Variants in MICU1 observed in about 807,000 individuals in gnomAD.
MICU1 encodes the protein mitochondrial calcium uptake 1.
Under a neutral mutation model 56.8 loss-of-function variants are expected in MICU1, and 45 were observed. That is an observed-to-expected ratio of 0.79 (90% CI 0.62 to 1.02). The LOEUF (loss-of-function observed/expected upper bound fraction) is 1.02. Ranked by LOEUF, MICU1 falls within the 50% of genes least tolerant of loss-of-function variation. MICU1 has a pLI of 0.00. For synonymous variants in MICU1, 186 were observed against 195.1 expected, an observed-to-expected ratio of 0.95 and a Z score of 0.39; for missense variants, 504 against 587.1, an observed-to-expected ratio of 0.86 and a Z score of 1.46.
At chr10:72,505,308 A>G (rs1464105301) in intron 6 of MICU1, among the ~76,000 whole-genome samples, 2 of 152,094 alleles carry the variant, frequency 1.3e-5, no homozygotes. Flanking sequence ...AACACAAAAG[A>G]TAAGAGATGC....
At chr10:72,401,005 C>T (rs1863436910) in intron 10 of MICU1, among the ~76,000 whole-genome samples, 1 of 151,980 alleles carries the variant, frequency 6.6e-6, no homozygotes, top group Non-Finnish European at 1.5e-5. Context: ...TGCTAGGTTG[C>T]ACAGACTGGC....
At chr10:72,512,586 T>C (rs548571161) in intron 5 of MICU1, among the ~76,000 whole-genome samples, 6 of 152,342 alleles carry the variant, frequency 3.9e-5, no homozygotes, top group African/African-American at 1.4e-4. Flanking sequence ...TTTTGGTTAT[T>C]CATGTATGAG....
At chr10:72,400,870 C>T (rs1440664578) in intron 10 of MICU1, among the ~76,000 whole-genome samples, 1 of 120,064 alleles carries the variant, frequency 8.3e-6, no homozygotes, top group Non-Finnish European at 1.6e-5. Context: ...TGGTGCTACA[C>T]ACACACACAC....
At chr10:72,505,996 C>CAAAAAAAAAAAAAAAAA (rs34458233) in intron 6 of MICU1, among the ~76,000 whole-genome samples, 1 of 138,394 alleles carries the variant, frequency 7.2e-6, no homozygotes. Flanking sequence ...AACAAGCAAG[C>CAAAAAAAAAAAAAAAAA]AAAAAAAAAA....
Position 72,505,823 on chromosome 10 carries a change from G to A in MICU1, c.652+2332C>T, listed in dbSNP as rs200187266. ...TAGGGACTACTACAGAGGGTAGAGC[G>A]GGAGGGGGACAAGGGCTGAAAACCT... On this transcript the variant is annotated intron_variant, in intron 6 of 11. Transcript: ENST00000361114. Among the ~76,000 whole-genome samples the A allele has an allele frequency of 5.3e-5, 8 of 152,100 alleles. No homozygotes were observed. The East Asian group carries it at 5.8e-4, about 11-fold the overall frequency.
chr10:72,530,173 CA>C lies in MICU1; in HGVS notation c.537+3572del, dbSNP rs377602623. Among the ~76,000 whole-genome samples the C allele has an allele frequency of 9.0e-4, 135 of 150,836 alleles. 2 individuals are homozygous for C. The East Asian group carries it at 0.025, about 27-fold the overall frequency. ...TAAAACCCCGTCTCTACTAAAAATA[CA>C]AAAAAATTTAGCCGGGTGTGGTGGT... On this transcript the variant is annotated intron_variant, in intron 5 of 11. Transcript: ENST00000361114.
At chr10:72,601,088 G>C (rs779402311) in intron 1 of MICU1, among the ~76,000 whole-genome samples, 15 of 152,166 alleles carry the variant, frequency 9.9e-5, no homozygotes, top group African/African-American at 3.6e-4. Context: ...GGACCTGGAT[G>C]ATGGGTAGCT....
intron 1 of MICU1, among the ~76,000 whole-genome samples, chr10:72,585,912 AC>A (rs1245716823): frequency 1.3e-5 from 2 of 151,164 alleles, no homozygotes; most frequent in Non-Finnish European, 2.9e-5. Flanking sequence ...AACTTATAAT[AC>A]TTAATACAAT....
chr10:72,528,741 A>G, intron 5 of MICU1: 1 of 231,006 alleles, frequency 4.3e-6, no homozygotes, highest in Non-Finnish European at 9.5e-6. Flanking sequence ...AAGGAGTAAA[A>G]CTACACTTGA....
chr10:72,602,904 G>C (rs1463399135), intron 1 of MICU1, among the ~76,000 whole-genome samples: 1 of 151,954 alleles, frequency 6.6e-6, no homozygotes, highest in Non-Finnish European at 1.5e-5. Flanking sequence ...TCAGGAGATT[G>C]AGACCATCCT....
chr10:72,450,159 T>A (rs1303305178), intron 8 of MICU1, among the ~76,000 whole-genome samples: 2 of 151,774 alleles, frequency 1.3e-5, no homozygotes, highest in Non-Finnish European at 2.9e-5. Context: ...TTAAGTGATT[T>A]GAAAAAAAAG....
intron 1 of MICU1, among the ~76,000 whole-genome samples, chr10:72,588,575 A>ACAAAACTCAGTTAGACAT (rs1841132277): frequency 6.6e-6 from 1 of 152,252 alleles, no homozygotes; most frequent in South Asian, 2.1e-4. Flanking sequence ...TAGTTAGACA[A>ACAAAACTCAGTTAGACAT]CAAAACTCAG....
At chr10:72,382,221 T>A (rs1044696687) in intron 10 of MICU1, among the ~76,000 whole-genome samples, 1 of 151,884 alleles carries the variant, frequency 6.6e-6, no homozygotes, top group Admixed American at 6.6e-5. Flanking sequence ...GTGATTCTCC[T>A]GCCTCAGCCT....
At chr10:72,459,789 T>G (rs1209978038) in intron 8 of MICU1, among the ~76,000 whole-genome samples, 1 of 152,220 alleles carries the variant, frequency 6.6e-6, no homozygotes, top group Non-Finnish European at 1.5e-5. Context: ...AGAAAGCTAT[T>G]GAGGTGTCTC....
At chr10:72,504,371 T>C (rs1182142026) in intron 6 of MICU1, among the ~76,000 whole-genome samples, 2 of 152,046 alleles carry the variant, frequency 1.3e-5, no homozygotes, top group African/African-American at 4.8e-5. Context: ...AAATAAACAA[T>C]GGAGAAAGGA....
intron 4 of MICU1, among the ~76,000 whole-genome samples, chr10:72,535,412 G>C (rs186285983): frequency 2.6e-5 from 4 of 152,232 alleles, no homozygotes; most frequent in Admixed American, 2.6e-4. Flanking sequence ...CAGCGGGATA[G>C]AAAATAGAAA....
At chr10:72,600,775 G>A (rs1188461676) in intron 1 of MICU1, among the ~76,000 whole-genome samples, 1 of 152,132 alleles carries the variant, frequency 6.6e-6, no homozygotes, top group Non-Finnish European at 1.5e-5. Flanking sequence ...AAATTTGTGA[G>A]TAGAAGACAT....
chr10:72,551,406 T>C, intron 3 of MICU1, 65 bp from the exon 4 acceptor site: 4 of 1,014,562 alleles, frequency 3.9e-6, no homozygotes, highest in Admixed American at 3.3e-5. Flanking sequence ...TATATTCTTA[T>C]CATCACTGCT....
intron 9 of MICU1, among the ~76,000 whole-genome samples, chr10:72,411,051 G>C (rs1490710227): frequency 6.6e-6 from 1 of 152,206 alleles, no homozygotes; most frequent in Non-Finnish European, 1.5e-5. Context: ...AGAAGATTCT[G>C]ACACAAGCTA....
Sources: gnomAD v4.1 joint callset for allele counts (sites outside exome capture counted in the v4.1 genomes callset) on GRCh38, gnomAD v4.1.1 for gene constraint, MANE v1.5 for transcripts, NCBI Gene and HGNC (gene_info 2026-07-23, HGNC 2026-07-21) for gene names.